Variants in DGKG observed in about 807,000 individuals in gnomAD.
DGKG encodes the protein DAG kinase gamma.
In DGKG, 78 loss-of-function variants were observed where a neutral mutation model predicts 105.3. The observed-to-expected ratio is 0.74, with a 90% CI of 0.62 to 0.89. The LOEUF (loss-of-function observed/expected upper bound fraction) is 0.89, where lower values mean the gene tolerates loss of function less well. Among genes scored for constraint, DGKG ranks in the 40% least tolerant of loss-of-function variants. DGKG has a pLI of 0.00. For synonymous variants in DGKG, 346 were observed against 367.1 expected (o/e 0.94, Z 0.66); for missense variants, 958 against 1,020.1 (o/e 0.94, Z 0.83).
chr3:186,209,349 G>T (rs1317149810), intron 21 of DGKG, among the ~76,000 whole-genome samples: 1 of 151,912 alleles, frequency 6.6e-6, no homozygotes, highest in South Asian at 2.1e-4. Flanking sequence ...TGATCCACCC[G>T]CCTCGGCTTC....
At chr3:186,242,448 CT>C in intron 20 of DGKG, 55 bp downstream of exon 20, 1 of 1,480,548 alleles carries the variant, frequency 6.8e-7, no homozygotes, top group Non-Finnish European at 9.2e-7. Context: ...TGAAAGGCCT[CT>C]GTTCCGCCAG....
At position 186,295,638 on chromosome 3, in the gene DGKG, T is replaced by TAAAAAAAAAAAAAA. The variant is rs34829528; in HGVS notation, c.373+1769_373+1782dup. Among the ~76,000 whole-genome samples the TAAAAAAAAAAAAAA allele has an allele frequency of 6.6e-4, 56 of 84,504 alleles. 2 individuals are homozygous for TAAAAAAAAAAAAAA. Among genetic ancestry groups the TAAAAAAAAAAAAAA allele is most frequent in the African/African-American group, 2.5e-3 (50 of 19,994 alleles). 55.4% of individuals were successfully genotyped at this position (84,504 alleles called of 152,430 possible). ...TTTTCAATAAAATGATAATGCACAG[T>TAAAAAAAAAAAAAA]AAAAAAAAAAAAAAAAAAAAAAGGT... On this transcript the variant is annotated intron_variant, in intron 5 of 24. Transcript: ENST00000265022.
chr3:186,240,765 G>A (rs1440770231), intron 20 of DGKG, among the ~76,000 whole-genome samples: 3 of 150,218 alleles, frequency 2.0e-5, no homozygotes, highest in East Asian at 1.9e-4. Flanking sequence ...AGCCAAGATC[G>A]CGCCACTGCA....
intron 21 of DGKG, among the ~76,000 whole-genome samples, chr3:186,208,417 C>T (rs916040493): frequency 7.7e-6 from 1 of 130,362 alleles, no homozygotes; most frequent in Admixed American, 8.9e-5. Flanking sequence ...CAACTTTTTA[C>T]CAGATTGGCA....
rs367944998 is a variant in DGKG, at chr3:186,283,031, C to G, written c.594+1629G>C. ...TCAAGCAATTCTCCTGCCTCAGCCT[C>G]CTGAGTAGCTGGGACTACAGGTGTG... On this transcript the variant is annotated intron_variant, in intron 7 of 24. Coordinates refer to ENST00000265022, the MANE Select transcript of DGKG (RefSeq NM_001346.3). Among the ~76,000 whole-genome samples, 5 of 151,970 alleles carry G rather than the reference C, an allele frequency of 3.3e-5. No homozygotes were observed. The East Asian group carries it at 9.7e-4, about 29-fold the overall frequency.
chr3:186,177,324 T>C (rs1050311679), intron 22 of DGKG, among the ~76,000 whole-genome samples: 3 of 152,228 alleles, frequency 2.0e-5, no homozygotes, highest in Non-Finnish European at 4.4e-5. Flanking sequence ...GCCCAGCCCA[T>C]GTTGCCTTTC....
rs559121082 is a variant in DGKG at position 186,327,087 on chromosome 3, C to T, written c.-248-6380G>A. Reference sequence around the variant, plus strand: ...GCTGAGGTGGGAAGATCACCTGAGCCTGAGGGATCAAGGCTGCACTGAACT... The same window carrying T: ...GCTGAGGTGGGAAGATCACCTGAGCTTGAGGGATCAAGGCTGCACTGAACT... On this transcript the variant is annotated intron_variant, in intron 1 of 24. Transcript: ENST00000265022. Among the ~76,000 whole-genome samples, 5 of 152,224 alleles carry T rather than the reference C, an allele frequency of 3.3e-5. No individual in the cohort carries two copies. In the South Asian group the frequency reaches 1.0e-3, roughly 32 times the overall value.
chr3:186,182,741 C>T (rs1218972169), intron 22 of DGKG, among the ~76,000 whole-genome samples: 1 of 152,080 alleles, frequency 6.6e-6, no homozygotes, highest in Non-Finnish European at 1.5e-5. Flanking sequence ...GTACCTGTTC[C>T]TGTCCTACTC....
intron 21 of DGKG, among the ~76,000 whole-genome samples, chr3:186,200,470 TA>T (rs1270319514): frequency 6.6e-6 from 1 of 152,184 alleles, no homozygotes; most frequent in Non-Finnish European, 1.5e-5. Context: ...TCTTGAAAAG[TA>T]GTGAGCTTCC....
At chr3:186,332,575 T>C (rs749192602) in intron 1 of DGKG, among the ~76,000 whole-genome samples, 2 of 152,144 alleles carry the variant, frequency 1.3e-5, no homozygotes, top group Non-Finnish European at 2.9e-5. Flanking sequence ...AGTCTGACTT[T>C]GGAATTAGAG....
chr3:186,308,620 CAT>C (rs1399044368), intron 2 of DGKG, among the ~76,000 whole-genome samples: 1 of 152,094 alleles, frequency 6.6e-6, no homozygotes, highest in Non-Finnish European at 1.5e-5. Context: ...AGGATTGAGA[CAT>C]ATTGAAATAC....
chr3:186,280,088 C>T, intron 8 of DGKG, 115 bp from the exon 9 acceptor site: 1 of 1,350,926 alleles, frequency 7.4e-7, no homozygotes, highest in Non-Finnish European at 1.0e-6. Context: ...TACCCCTTTC[C>T]CCTCCTGTTA....
chr3:186,302,535 T>C (rs1253919387), intron 3 of DGKG, among the ~76,000 whole-genome samples: 5 of 40,406 alleles, frequency 1.2e-4, no homozygotes, highest in African/African-American at 5.1e-4. Context: ...TATATATACA[T>C]ATGTATATAT....
At chr3:186,246,874 G>A (rs1720968750) in intron 19 of DGKG, among the ~76,000 whole-genome samples, 1 of 152,176 alleles carries the variant, frequency 6.6e-6, no homozygotes, top group Non-Finnish European at 1.5e-5. Context: ...GGCTCCCCTA[G>A]CATCAGAAAT....
intron 21 of DGKG, among the ~76,000 whole-genome samples, chr3:186,202,567 T>C (rs538343052): frequency 1.3e-5 from 2 of 152,370 alleles, no homozygotes; most frequent in East Asian, 3.9e-4. Context: ...CATTTCCCAC[T>C]GATGGGGCCT....
intron 2 of DGKG, among the ~76,000 whole-genome samples, chr3:186,310,616 C>T (rs959723088): frequency 1.3e-5 from 2 of 152,150 alleles, no homozygotes; most frequent in African/African-American, 4.8e-5. Flanking sequence ...CAGAAAAGAA[C>T]AACGAGGGAA....
In DGKG at chr3:186,157,694, T is replaced by C. The variant is rs1168217181; in HGVS notation, c.2277+3909A>G. Reference sequence around the variant, plus strand: ...GTTCATTAGAATCAAGATGATTGTATATTTTGTTTTACAATTTTTTTTCTT... The same window carrying C: ...GTTCATTAGAATCAAGATGATTGTACATTTTGTTTTACAATTTTTTTTCTT... On this transcript the variant is annotated intron_variant, in intron 24 of 24. Coordinates refer to ENST00000265022, the MANE Select transcript of DGKG (RefSeq NM_001346.3). Among the ~76,000 whole-genome samples, 11 of 152,216 alleles carry C rather than the reference T, an allele frequency of 7.2e-5. 1 individual carries two copies.
intron 1 of DGKG, among the ~76,000 whole-genome samples, chr3:186,345,647 C>T (rs1295696995): frequency 6.6e-6 from 1 of 152,230 alleles, no homozygotes; most frequent in Non-Finnish European, 1.5e-5. Flanking sequence ...TCCTTTCAGA[C>T]AAACACCAGT....
rs542347464 is a variant in DGKG at position 186,232,454 on chromosome 3, T to C, written c.1826+10050A>G. Among the ~76,000 whole-genome samples the C allele has an allele frequency of 2.6e-5, 4 of 152,324 alleles. No homozygotes were observed. In the South Asian group the frequency reaches 8.3e-4, roughly 32 times the overall value. ...TTTTACAATGAGCCTGAATGACTTA[T>C]ATAAAGAAAAATTAGTTTAAAAATG... On this transcript the variant is annotated intron_variant, in intron 20 of 24. Transcript: ENST00000265022.
Sources: gnomAD v4.1 joint callset for allele counts (sites outside exome capture counted in the v4.1 genomes callset) on GRCh38, gnomAD v4.1.1 for gene constraint, MANE v1.5 for transcripts, NCBI Gene and HGNC (gene_info 2026-07-23, HGNC 2026-07-21) for gene names.